The following SND1 variants were observed in gnomAD, a reference collection of about 807,000 sequenced individuals.
SND1 encodes the protein staphylococcal nuclease and tudor domain containing 1, also known as staphylococcal nuclease domain-containing protein 1.
Under a neutral mutation model 121.7 loss-of-function variants are expected in SND1, and 38 were observed. The observed-to-expected ratio is 0.31, with a 90% CI of 0.24 to 0.41. SND1 has a LOEUF of 0.41. Among genes scored for constraint, SND1 ranks in the 10% least tolerant of loss-of-function variants. The pLI, the probability that SND1 is intolerant of heterozygous loss-of-function variation, is 1.00. For synonymous variants in SND1, 401 were observed against 447.4 expected (o/e 0.90, Z 1.31); for missense variants, 868 against 1,184.6 (o/e 0.73, Z 3.92).
chr7:127,781,578 G>A (rs1196179772), intron 10 of SND1, among the ~76,000 whole-genome samples: 1 of 66,972 alleles, frequency 1.5e-5, no homozygotes, highest in African/African-American at 4.5e-5. Context: ...AAACTTTTTT[G>A]TTCATTTGAT....
chr7:127,748,337 C>T (rs1050662473), intron 10 of SND1, among the ~76,000 whole-genome samples: 3 of 152,172 alleles, frequency 2.0e-5, no homozygotes, highest in Admixed American at 6.5e-5. Flanking sequence ...AAGGTACTGT[C>T]CTTTCAGAAC....
chr7:127,689,646 A>G (rs1262038020), intron 2 of SND1, among the ~76,000 whole-genome samples: 1 of 152,100 alleles, frequency 6.6e-6, no homozygotes, highest in Admixed American at 6.5e-5. Flanking sequence ...AGTTCCATAT[A>G]TTTATACAGT....
chr7:127,962,711 A>G (rs1801761587), intron 15 of SND1, among the ~76,000 whole-genome samples: 1 of 152,216 alleles, frequency 6.6e-6, no homozygotes, highest in Non-Finnish European at 1.5e-5. Flanking sequence ...TGGAGCAAGC[A>G]TTGAAAACTA....
At chr7:127,986,475 T>C (rs1802393109) in intron 15 of SND1, among the ~76,000 whole-genome samples, 1 of 152,212 alleles carries the variant, frequency 6.6e-6, no homozygotes, top group African/African-American at 2.4e-5. Flanking sequence ...AAGTTTAATA[T>C]TCTATCAGTG....
At chr7:127,994,558 A>C (rs1802594753) in intron 16 of SND1, among the ~76,000 whole-genome samples, 1 of 77,562 alleles carries the variant, frequency 1.3e-5, no homozygotes, top group Non-Finnish European at 3.1e-5. Context: ...TCAAAAAAAA[A>C]AAAAAAAAAA....
intron 10 of SND1, among the ~76,000 whole-genome samples, chr7:127,751,912 C>G (rs1381138295): frequency 6.6e-6 from 1 of 152,226 alleles, no homozygotes; most frequent in East Asian, 1.9e-4. Context: ...CAGCTGACTG[C>G]TCGCGGGAGC....
intron 12 of SND1, among the ~76,000 whole-genome samples, chr7:127,874,360 A>G (rs1799652083): frequency 6.6e-6 from 1 of 152,170 alleles, no homozygotes; most frequent in Non-Finnish European, 1.5e-5. Context: ...ACACATATTG[A>G]AAGACCATAT....
chr7:127,879,762 A>G (rs1036928101), intron 12 of SND1, among the ~76,000 whole-genome samples: 1 of 152,088 alleles, frequency 6.6e-6, no homozygotes, highest in Non-Finnish European at 1.5e-5. Context: ...GCATTAAGAC[A>G]TTGGAGTTTT....
chr7:127,801,274 C>T (rs930764839), intron 10 of SND1, among the ~76,000 whole-genome samples: 10 of 152,130 alleles, frequency 6.6e-5, no homozygotes, highest in African/African-American at 2.4e-4. Flanking sequence ...AAATATTTGC[C>T]AATATGTTGG....
In SND1 at chr7:128,014,605, C is replaced by T. The variant is rs115756322; in HGVS notation, c.1779+23549C>T. On this transcript the variant is annotated intron_variant, in intron 16 of 23. Transcript: ENST00000354725. ...GTTCTGAGACAGGACTCCCATATTG[C>T]GCAGTTGGTGGTGCAGCTTCCCACC... 5.2e-3 allele frequency among the ~76,000 whole-genome samples: 785 copies of T among 152,244 alleles called. 5 individuals carry two copies. The highest frequency in any genetic ancestry group is 0.018 in the African/African-American group (757 of 41,516).
intron 16 of SND1, among the ~76,000 whole-genome samples, chr7:128,051,390 A>C (rs755296265): frequency 3.5e-4 from 54 of 152,210 alleles, no homozygotes; most frequent in Non-Finnish European, 7.1e-4. Flanking sequence ...TCCCATGTTT[A>C]AGTTCAAAAA....
intron 16 of SND1, among the ~76,000 whole-genome samples, chr7:128,053,801 C>A (rs563192666): frequency 6.6e-6 from 1 of 152,146 alleles, no homozygotes; most frequent in African/African-American, 2.4e-5. Context: ...TATTGCTTCC[C>A]TGGAGATACA....
chr7:127,837,125 C>G (rs1035011512), intron 11 of SND1, among the ~76,000 whole-genome samples: 1 of 151,852 alleles, frequency 6.6e-6, no homozygotes, highest in Non-Finnish European at 1.5e-5. Context: ...AGAATGTTTA[C>G]AAAGATTCAT....
At chr7:128,016,286 C>CT (rs1341416199) in intron 16 of SND1, among the ~76,000 whole-genome samples, 2 of 151,358 alleles carry the variant, frequency 1.3e-5, no homozygotes, top group Non-Finnish European at 2.9e-5. Flanking sequence ...CCCAACAAAC[C>CT]TTTTTTTTCA....
At position 127,971,662 on chromosome 7, in the gene SND1, G is replaced by A. The variant is rs1801990509; in HGVS notation, c.1670-19285G>A. ...CCTAGTTTAGGAACTCCTAAGGTAAGTTATCAGAAGCAATGAAAGATAGGT... is the reference window on the plus strand; with the variant it reads ...CCTAGTTTAGGAACTCCTAAGGTAAATTATCAGAAGCAATGAAAGATAGGT... On this transcript the variant is annotated intron_variant, in intron 15 of 23. Transcript: ENST00000354725. 2.0e-5 allele frequency among the ~76,000 whole-genome samples: 3 copies of A among 151,956 alleles called. No individual in the cohort carries two copies. The South Asian group carries it at 6.2e-4, about 32-fold the overall frequency.
chr7:127,989,497 G>A (rs1199927221), intron 15 of SND1, among the ~76,000 whole-genome samples: 2 of 152,086 alleles, frequency 1.3e-5, no homozygotes, highest in Admixed American at 6.5e-5. Context: ...CATACACAGA[G>A]ATGTACCTTC....
chr7:128,089,854 T>A, intron 22 of SND1, 162 bp downstream of exon 22: 1 of 669,156 alleles, frequency 1.5e-6, no homozygotes, highest in Non-Finnish European at 2.5e-6. Context: ...GTTTTTGTTT[T>A]AAAGCTAATT....
Position 127,912,674 on chromosome 7 carries a change from G to A in SND1, c.1527+7855G>A, listed in dbSNP as rs1800485597. Among the ~76,000 whole-genome samples, 6 of 151,996 alleles carry A rather than the reference G, an allele frequency of 3.9e-5. 1 individual carries two copies. Among genetic ancestry groups the A allele is most frequent in the Admixed American group, 3.3e-4 (5 of 15,250 alleles). On this transcript the variant is annotated intron_variant, in intron 14 of 23. Transcript: ENST00000354725. ...GGTTAAAATGAAATTTTCTACATGA[G>A]TTTATTTTATATTTGAATAAGAGTC...
chr7:127,989,919 C>T (rs927816332), intron 15 of SND1, among the ~76,000 whole-genome samples: 1 of 152,072 alleles, frequency 6.6e-6, no homozygotes, highest in Non-Finnish European at 1.5e-5. Flanking sequence ...GCAAAACTAA[C>T]GGGTTGACTC....
Sources: allele counts gnomAD v4.1 joint callset (sites outside exome capture counted in the v4.1 genomes callset), GRCh38; gene constraint gnomAD v4.1.1; transcripts MANE v1.5; gene names NCBI Gene and HGNC (gene_info 2026-07-23, HGNC 2026-07-21).